Variants in MAN1B1 observed in about 807,000 individuals in gnomAD.
MAN1B1 encodes mannosidase alpha class 1B member 1.
In MAN1B1, 66 loss-of-function variants were observed where a neutral mutation model predicts 75.5. The observed-to-expected ratio is 0.87, with a 90% CI of 0.72 to 1.07. The LOEUF (loss-of-function observed/expected upper bound fraction) is 1.07, where lower values mean the gene tolerates loss of function less well. Among genes scored for constraint, MAN1B1 ranks in the 50% least tolerant of loss-of-function variants. MAN1B1 has a pLI of 0.00. For missense variants in MAN1B1, 973 were observed against 912.5 expected (o/e 1.07, Z -0.85); for synonymous variants, 453 against 382.8 (o/e 1.18, Z -2.14).
In MAN1B1 at chr9:137,106,163, G is replaced by C; in HGVS notation, c.1293G>C (p.Leu431=). 2 of 1,612,992 alleles carry C rather than the reference G, an allele frequency of 1.2e-6. No individual in the cohort carries two copies. The highest frequency in any genetic ancestry group is 1.7e-6 in the Non-Finnish European group (2 of 1,179,928). Residue 431 remains leucine (L), a synonymous_variant, in exon 9 of 13, where the codon CTG becomes CTC. Transcript: ENST00000371589. The part of the protein sequence containing the change: ...VEKVTQHIHG[L]SGKKDGLVPM... ...AGGTGACACAGCACATCCACGGCCT[G>C]TCTGGGAAGAAGGATGGGCTGGTGC...
intron 3 of MAN1B1, among the ~76,000 whole-genome samples, chr9:137,089,972 A>G (rs953552948): frequency 1.3e-5 from 2 of 151,938 alleles, no homozygotes; most frequent in African/African-American, 4.8e-5. Flanking sequence ...AGGAGTCCCT[A>G]GGTATAGGTG....
At chr9:137,105,752 C>T (rs1588649088) in intron 8 of MAN1B1, 3 of 417,838 alleles carry the variant, frequency 7.2e-6, no homozygotes, top group East Asian at 1.3e-4. Flanking sequence ...AAGGCAGGCA[C>T]ACTTGCCGTC....
At chr9:137,096,416 C>T (rs370591119) in intron 4 of MAN1B1, 25 bp downstream of exon 4, 27 of 1,611,062 alleles carry the variant, frequency 1.7e-5, no homozygotes, top group African/African-American at 1.1e-4. Context: ...GCAGGCTGCA[C>T]GCCGCCGCTC....
In MAN1B1 at chr9:137,101,099, G is replaced by A. The variant is rs142836717; in HGVS notation, c.1011G>A (p.Gly337=). ...NLFESTIRIL[G]GLLSAYHLSG... is the part of the protein sequence containing the mutation. ...TTGAGAGCACGATCCGCATCCTGGG[G>A]GGGCTCCTGAGTGCCTACCACCTGT... Residue 337 remains glycine, a synonymous_variant, in exon 7 of 13, where the codon GGG becomes GGA. Coordinates refer to ENST00000371589, the MANE Select transcript of MAN1B1 (RefSeq NM_016219.5). 83 of 1,614,138 alleles carry A rather than the reference G, an allele frequency of 5.1e-5. No individual in the cohort carries two copies. Among genetic ancestry groups the A allele is most frequent in the Non-Finnish European group, 6.8e-5 (80 of 1,180,042 alleles).
At chr9:137,095,326 G>A (rs1415067860) in intron 3 of MAN1B1, among the ~76,000 whole-genome samples, 1 of 151,708 alleles carries the variant, frequency 6.6e-6, no homozygotes, top group Non-Finnish European at 1.5e-5. Flanking sequence ...TGGGATTACA[G>A]ACGTGAGCCA....
At position 137,101,075 on chromosome 9, in the gene MAN1B1, T is replaced by A; in HGVS notation, c.987T>A (p.Phe329Leu). The A allele has an allele frequency of 6.2e-7, 1 of 1,614,160 alleles. No individual in the cohort carries two copies. The change falls in exon 7 of 13, where the codon TTT becomes TTA. Residue 329 changes from phenylalanine (F) to leucine (L), a missense_variant. Coordinates refer to ENST00000371589, the MANE Select transcript of MAN1B1 (RefSeq NM_016219.5). ...HFEKDVDVNLFESTIRILGGL... is the reference protein window; with the variant it reads ...HFEKDVDVNLLESTIRILGGL... ...AAAAGGACGTGGACGTCAACCTGTTTGAGAGCACGATCCGCATCCTGGGGG... is the reference window on the plus strand; with the variant it reads ...AAAAGGACGTGGACGTCAACCTGTTAGAGAGCACGATCCGCATCCTGGGGG...
chr9:137,098,944 C>T (rs1358388806), intron 5 of MAN1B1, among the ~76,000 whole-genome samples: 1 of 152,212 alleles, frequency 6.6e-6, no homozygotes, highest in Non-Finnish European at 1.5e-5. Context: ...AGTCTCCTGC[C>T]TCAGCCTCCC....
chr9:137,103,593 G>T (rs2131094328), intron 8 of MAN1B1: 1 of 444,664 alleles, frequency 2.2e-6, no homozygotes, highest in Non-Finnish European at 4.5e-6. Context: ...AGGCGTGCGG[G>T]TCGGTGGTGT....
chr9:137,099,608 G>A, intron 5 of MAN1B1, 88 bp from the exon 6 acceptor site: 1 of 1,423,382 alleles, frequency 7.0e-7, no homozygotes, highest in Non-Finnish European at 9.9e-7. Flanking sequence ...CCCCATGGGG[G>A]TCACAGCAGT....
intron 12 of MAN1B1, chr9:137,107,989 A>G (rs2131133712): frequency 1.6e-6 from 1 of 622,652 alleles, no homozygotes; most frequent in South Asian, 1.9e-5. Context: ...TGACTGGGGC[A>G]CCATCCCCAC....
intron 5 of MAN1B1, among the ~76,000 whole-genome samples, chr9:137,099,041 G>T (rs1266939324): frequency 1.3e-5 from 2 of 152,144 alleles, no homozygotes; most frequent in African/African-American, 4.8e-5. Context: ...TGTTGGCGAG[G>T]CTGGTCTCAA....
Position 137,101,473 on chromosome 9 carries a change from T to G in MAN1B1, c.1066-11T>G. 6.2e-7 allele frequency: 1 copy of G among 1,613,614 alleles called. No individual in the cohort carries two copies. The highest frequency in any genetic ancestry group is 8.5e-7 in the Non-Finnish European group (1 of 1,179,932). Reference sequence around the variant, plus strand: ...CCTGAACGTTGGTTCTCTACTCTGCTCATATACCAGGAGGATTTTGGAAAT... The same window carrying G: ...CCTGAACGTTGGTTCTCTACTCTGCGCATATACCAGGAGGATTTTGGAAAT... On this transcript the variant is annotated splice_polypyrimidine_tract_variant and intron_variant, in intron 7 of 12. Transcript: ENST00000371589.
rs1225163400 is a variant in MAN1B1 at position 137,105,934 on chromosome 9, CTG to C, written c.1255-186_1255-185del. 2.4e-5 allele frequency: 17 copies of C among 697,582 alleles called. No homozygotes were observed. In the Admixed American group the frequency reaches 3.4e-4, roughly 14 times the overall value. 43.2% of individuals were successfully genotyped at this position (697,582 alleles called of 1,614,324 possible). On this transcript the variant is annotated intron_variant, in intron 8 of 12. Coordinates refer to ENST00000371589, the MANE Select transcript of MAN1B1 (RefSeq NM_016219.5). ...ACATTCAGGTGCGTTGCACTGGTGG[CTG>C]TGTGGCTGTGTGGTACGGCCACCAG...
chr9:137,102,792 ACATT>A (rs746876007), intron 8 of MAN1B1: 478 of 414,088 alleles, frequency 1.2e-3, no homozygotes, highest in South Asian at 6.8e-3. Flanking sequence ...GGTGTTACAC[ACATT>A]CATGCTGTTG....
At chr9:137,087,656 G>A (rs2130985113) in intron 1 of MAN1B1, 1 of 408,106 alleles carries the variant, frequency 2.5e-6, no homozygotes, top group Non-Finnish European at 4.6e-6. Flanking sequence ...CATGCGGACT[G>A]TGCATCGCCT....
At chr9:137,099,582 C>T in intron 5 of MAN1B1, 114 bp from the exon 6 acceptor site, 1 of 1,201,268 alleles carries the variant, frequency 8.3e-7, no homozygotes, top group Non-Finnish European at 1.2e-6. Context: ...TCGTCCCAAA[C>T]CCACCGTCAT....
chr9:137,094,424 T>C (rs569015751), intron 3 of MAN1B1: 2 of 500,030 alleles, frequency 4.0e-6, no homozygotes, highest in Admixed American at 2.0e-5. Flanking sequence ...GGACAGTGAT[T>C]GCATGACCTG....
At chr9:137,105,434 C>T (rs921646321) in intron 8 of MAN1B1, 2 of 186,360 alleles carry the variant, frequency 1.1e-5, no homozygotes, top group Non-Finnish European at 1.1e-5. Flanking sequence ...CCCAGGCCCC[C>T]ATGGGCACCC....
intron 6 of MAN1B1, among the ~76,000 whole-genome samples, chr9:137,100,177 G>C (rs1830770617): frequency 6.6e-6 from 1 of 152,224 alleles, no homozygotes; most frequent in African/African-American, 2.4e-5. Flanking sequence ...GGGGGTGGTG[G>C]GATGAGTGAC....
Sources: allele counts gnomAD v4.1 joint callset (sites outside exome capture counted in the v4.1 genomes callset), GRCh38; gene constraint gnomAD v4.1.1; transcripts MANE v1.5; gene names NCBI Gene and HGNC (gene_info 2026-07-23, HGNC 2026-07-21).